The following KIF13B variants were observed in gnomAD, a reference collection of about 807,000 sequenced individuals.
KIF13B encodes the protein kinesin family member 13B, also known as kinesin-like protein KIF13B.
KIF13B carries 127 observed loss-of-function variants against 222.0 expected under a neutral mutation model. That is an observed-to-expected ratio of 0.57 (90% CI 0.50 to 0.66). The LOEUF (loss-of-function observed/expected upper bound fraction) is 0.66, where lower values mean the gene tolerates loss of function less well. KIF13B is among the 30% of genes least tolerant of loss of function. The probability of loss-of-function intolerance (pLI) is 0.00; values close to 1 mark genes in which losing one functional copy is unlikely to be tolerated. For missense variants in KIF13B, 2,173 were observed against 2,379.0 expected (o/e 0.91, Z 1.80); for synonymous variants, 976 against 919.0 (o/e 1.06, Z -1.12).
chr8:29,125,091 C>G (rs906267526), intron 26 of KIF13B, among the ~76,000 whole-genome samples: 1 of 152,226 alleles, frequency 6.6e-6, no homozygotes, highest in Non-Finnish European at 1.5e-5. Flanking sequence ...AATTTATGTA[C>G]CTTAGAATAA....
intron 37 of KIF13B, among the ~76,000 whole-genome samples, chr8:29,090,642 G>A (rs1808255905): frequency 6.6e-6 from 1 of 152,196 alleles, no homozygotes; most frequent in Non-Finnish European, 1.5e-5. Context: ...CAACTGGAAT[G>A]TTCTGGCTTT....
intron 21 of KIF13B, among the ~76,000 whole-genome samples, chr8:29,139,434 T>C (rs1397648281): frequency 6.6e-6 from 1 of 152,080 alleles, no homozygotes; most frequent in African/African-American, 2.4e-5. Flanking sequence ...TGAAATCAAG[T>C]ACAATATAAT....
At chr8:29,198,321 GTTTTT>G (rs1296650652) in intron 2 of KIF13B, among the ~76,000 whole-genome samples, 5 of 148,160 alleles carry the variant, frequency 3.4e-5, no homozygotes, top group African/African-American at 1.2e-4. Flanking sequence ...TTTGTTTTTT[GTTTTT>G]TGTTTTTTTT....
intron 37 of KIF13B, among the ~76,000 whole-genome samples, chr8:29,086,898 C>A (rs946201989): frequency 1.3e-5 from 2 of 152,192 alleles, no homozygotes; most frequent in African/African-American, 4.8e-5. Flanking sequence ...AATTGGTGCA[C>A]TAACAGGCAC....
intron 36 of KIF13B, among the ~76,000 whole-genome samples, chr8:29,098,487 C>T (rs1808642119): frequency 6.6e-6 from 1 of 151,202 alleles, no homozygotes; most frequent in South Asian, 2.1e-4. Flanking sequence ...CCTGTAATCC[C>T]AGCTACTTGG....
At chr8:29,157,392 C>CAAAAAAAAAA in intron 13 of KIF13B, among the ~76,000 whole-genome samples, 1 of 89,184 alleles carries the variant, frequency 1.1e-5, no homozygotes, top group Non-Finnish European at 2.2e-5. Context: ...TCGTCTCTAC[C>CAAAAAAAAAA]AAAAAAAAAA....
At chr8:29,115,969 C>T (rs779281079) in intron 31 of KIF13B, among the ~76,000 whole-genome samples, 7 of 152,214 alleles carry the variant, frequency 4.6e-5, no homozygotes, top group Non-Finnish European at 8.8e-5. Flanking sequence ...GCATTCTCAC[C>T]ACAAGTGATG....
chr8:29,256,108 C>T (rs1816468855), intron 1 of KIF13B, among the ~76,000 whole-genome samples: 1 of 152,204 alleles, frequency 6.6e-6, no homozygotes, highest in African/African-American at 2.4e-5. Context: ...GAGTTGCTTC[C>T]AGGCACACAC....
chr8:29,199,574 C>CAAAAA (rs10579222), intron 2 of KIF13B, among the ~76,000 whole-genome samples: 7 of 119,426 alleles, frequency 5.9e-5, no homozygotes, highest in Admixed American at 8.7e-5. Context: ...TTCCAAAATC[C>CAAAAA]AAAAAAAAAA....
At chr8:29,144,490 T>C (rs369321643) in intron 18 of KIF13B, among the ~76,000 whole-genome samples, 95 of 152,224 alleles carry the variant, frequency 6.2e-4, no homozygotes, top group African/African-American at 1.9e-3. Context: ...ACTCCTGACC[T>C]CAGGTGATCC....
At chr8:29,143,095 C>G (rs1035755148) in intron 18 of KIF13B, among the ~76,000 whole-genome samples, 7 of 152,250 alleles carry the variant, frequency 4.6e-5, no homozygotes, top group Non-Finnish European at 8.8e-5. Flanking sequence ...CTCAAGTGAT[C>G]CCCCTGCTTC....
chr8:29,070,864 A>ACC lies in KIF13B; in HGVS notation c.5219-100_5219-99dup. On this transcript the variant is annotated intron_variant, in intron 39 of 39. Transcript: ENST00000524189. This position sits in a 1 kb window ranked among gnomAD's most constrained non-coding sequence, Gnocchi z 4.1. ...GCAGAGGCCATGTGCCCACACTGCC[A>ACC]CCCCCCCGCACAGGCCCTACACAGC... 1 of 1,288,276 alleles carries ACC rather than the reference A, an allele frequency of 7.8e-7. No homozygotes were observed. Among genetic ancestry groups the ACC allele is most frequent in the Non-Finnish European group, 1.1e-6 (1 of 924,958 alleles). 79.8% of individuals were successfully genotyped at this position (1,288,276 alleles called of 1,614,324 possible).
At chr8:29,174,049 T>C (rs750105721) in intron 10 of KIF13B, among the ~76,000 whole-genome samples, 7 of 152,112 alleles carry the variant, frequency 4.6e-5, no homozygotes, top group Admixed American at 3.9e-4. Flanking sequence ...AACATAGTAA[T>C]ATAATTGATT....
intron 36 of KIF13B, among the ~76,000 whole-genome samples, chr8:29,098,623 ACTCAAGTCAT>A (rs1808650343): frequency 6.6e-6 from 1 of 151,138 alleles, no homozygotes; most frequent in African/African-American, 2.4e-5. Flanking sequence ...AAAAAAAGAA[ACTCAAGTCAT>A]AATTTAAAAT....
At chr8:29,200,443 T>C (rs1053657077) in intron 2 of KIF13B, among the ~76,000 whole-genome samples, 4 of 152,238 alleles carry the variant, frequency 2.6e-5, no homozygotes, top group Admixed American at 2.0e-4. Flanking sequence ...TGAGTTGAAT[T>C]ATTTTTGTTG....
At chr8:29,074,279 G>A (rs1211036303) in intron 38 of KIF13B, among the ~76,000 whole-genome samples, 2 of 152,230 alleles carry the variant, frequency 1.3e-5, no homozygotes, top group African/African-American at 4.8e-5. Context: ...CTCCAGAGGG[G>A]AAAGCCCTCA....
chr8:29,140,585 T>G lies in KIF13B; in HGVS notation c.2367A>C (p.Pro789=). Residue 789 remains proline, a synonymous_variant, in exon 20 of 40, where the codon CCA becomes CCC. Transcript: ENST00000524189. ...VIRSYFKRAD[P]FYDEQENHSL... Reference sequence around the variant, plus strand: ...TGTGATTTTCCTGCTCATCATAGAATGGATCAGCACGTTTGAAGTATGATC... The same window carrying G: ...TGTGATTTTCCTGCTCATCATAGAAGGGATCAGCACGTTTGAAGTATGATC... 6.2e-7 allele frequency: 1 copy of G among 1,613,874 alleles called. No individual in the cohort carries two copies. The highest frequency in any genetic ancestry group is 8.5e-7 in the Non-Finnish European group (1 of 1,179,770).
At chr8:29,144,161 C>T (rs1810948841) in intron 18 of KIF13B, among the ~76,000 whole-genome samples, 1 of 152,022 alleles carries the variant, frequency 6.6e-6, no homozygotes. Context: ...CTTTGAAATA[C>T]ATTGATGTTT....
chr8:29,082,563 C>CAGG (rs1807860132), intron 37 of KIF13B, among the ~76,000 whole-genome samples: 1 of 151,832 alleles, frequency 6.6e-6, no homozygotes, highest in South Asian at 2.1e-4. Context: ...GACTTGCGCC[C>CAGG]AGGAGTTCGA....
Sources: allele counts gnomAD v4.1 joint callset (sites outside exome capture counted in the v4.1 genomes callset), GRCh38; gene constraint gnomAD v4.1.1; non-coding constraint Gnocchi (gnomAD v3.1); transcripts MANE v1.5; gene names NCBI Gene and HGNC (gene_info 2026-07-23, HGNC 2026-07-21).